RPH3AL: variants seen among roughly 807,000 people sequenced by gnomAD.
RPH3AL encodes rab effector Noc2.
In RPH3AL, 38 loss-of-function variants were observed where a neutral mutation model predicts 43.1. The observed-to-expected ratio is 0.88, with a 90% CI of 0.68 to 1.15. RPH3AL has a LOEUF of 1.15. RPH3AL is among the 50% of genes most tolerant of loss of function. RPH3AL has a pLI of 0.00. For synonymous variants in RPH3AL, 189 were observed against 176.3 expected, an observed-to-expected ratio of 1.07 and a Z score of -0.57; for missense variants, 462 against 423.2, an observed-to-expected ratio of 1.09 and a Z score of -0.81.
At position 299,701 on chromosome 17, in the gene RPH3AL, G is replaced by A. The variant is rs896592869; in HGVS notation, c.352-17847C>T. ...TGCCAGCTTGCAGGGCACGGCCGAC[G>A]AGGTGTGCGGCACGGGGCCGCGCCG... On this transcript the variant is annotated intron_variant, in intron 5 of 9. Coordinates refer to ENST00000331302, the MANE Select transcript of RPH3AL (RefSeq NM_006987.4). 5.9e-5 allele frequency among the ~76,000 whole-genome samples: 9 copies of A among 152,358 alleles called. No individual in the cohort carries two copies. In the East Asian group the frequency reaches 9.6e-4, roughly 16 times the overall value.
chr17:248,930 G>A (rs527789293), intron 6 of RPH3AL, among the ~76,000 whole-genome samples: 26 of 152,302 alleles, frequency 1.7e-4, no homozygotes, highest in Admixed American at 3.3e-4. Flanking sequence ...GCTCCAGGGC[G>A]AAGCAACCGA....
At chr17:269,626 T>C (rs1209414801) in intron 6 of RPH3AL, among the ~76,000 whole-genome samples, 1 of 152,208 alleles carries the variant, frequency 6.6e-6, no homozygotes, top group Non-Finnish European at 1.5e-5. Flanking sequence ...CTCTCTAAGC[T>C]TCAGTTTCTC....
At chr17:318,391 A>G (rs983958966) in intron 5 of RPH3AL, among the ~76,000 whole-genome samples, 207 of 152,252 alleles carry the variant, frequency 1.4e-3, no homozygotes, top group African/African-American at 4.6e-3. Flanking sequence ...CTGGGGGTGG[A>G]AAAAAGCATG....
intron 7 of RPH3AL, among the ~76,000 whole-genome samples, chr17:226,144 A>G (rs557521388): frequency 4.3e-4 from 65 of 152,374 alleles, no homozygotes; most frequent in African/African-American, 1.6e-3. Context: ...ACAAGGATTC[A>G]CAAAAAACAG....
intron 7 of RPH3AL, among the ~76,000 whole-genome samples, chr17:221,675 T>C (rs2040980820): frequency 6.9e-6 from 1 of 144,194 alleles, no homozygotes; most frequent in Non-Finnish European, 1.5e-5. Context: ...GTGCATCAGC[T>C]CTGAGGGCTC....
chr17:260,836 G>A (rs2042180818), intron 6 of RPH3AL, among the ~76,000 whole-genome samples: 1 of 151,970 alleles, frequency 6.6e-6, no homozygotes, highest in Non-Finnish European at 1.5e-5. Flanking sequence ...CCATCACCAG[G>A]CACAGCTGCT....
chr17:248,997 A>G (rs1555541283), intron 6 of RPH3AL, among the ~76,000 whole-genome samples: 2 of 152,056 alleles, frequency 1.3e-5, no homozygotes, highest in East Asian at 3.9e-4. Context: ...TTCTCTGAGG[A>G]CTTCTCAGAT....
chr17:278,254 T>C (rs908219009), intron 6 of RPH3AL, among the ~76,000 whole-genome samples: 1 of 152,192 alleles, frequency 6.6e-6, no homozygotes, highest in African/African-American at 2.4e-5. Flanking sequence ...TCTCATTCTT[T>C]CTTTGCCTGC....
chr17:315,189 C>T (rs879609544), intron 5 of RPH3AL, among the ~76,000 whole-genome samples: 2,364 of 18,744 alleles, frequency 0.13, 82 homozygotes, highest in Non-Finnish European at 0.18. Flanking sequence ...ACCTGTAGTC[C>T]CTGTGCTCCA....
intron 6 of RPH3AL, among the ~76,000 whole-genome samples, chr17:275,666 G>T (rs2151597772): frequency 6.6e-6 from 1 of 152,298 alleles, no homozygotes; most frequent in African/African-American, 2.4e-5. Context: ...TCCCACCTCA[G>T]CCTCCTGATA....
At chr17:291,853 T>C (rs1196913457) in intron 5 of RPH3AL, among the ~76,000 whole-genome samples, 1 of 152,228 alleles carries the variant, frequency 6.6e-6, no homozygotes, top group African/African-American at 2.4e-5. Flanking sequence ...TATGTAGATG[T>C]GCCTACATCT....
intron 7 of RPH3AL, among the ~76,000 whole-genome samples, chr17:220,422 C>A (rs34229845): frequency 2.2e-5 from 2 of 90,898 alleles, no homozygotes; most frequent in Middle Eastern, 6.7e-3. Context: ...AGCTCGGAGG[C>A]CTCCACTCGG....
At chr17:214,348 T>C (rs1049026926) in intron 9 of RPH3AL, among the ~76,000 whole-genome samples, 2 of 152,232 alleles carry the variant, frequency 1.3e-5, no homozygotes, top group African/African-American at 4.8e-5. Context: ...CATGTGACAC[T>C]GGATTTTGTC....
At chr17:332,812 A>C (rs2044820352) in intron 2 of RPH3AL, 4 of 347,090 alleles carry the variant, frequency 1.2e-5, no homozygotes, top group Non-Finnish European at 2.2e-5. Context: ...TCCTGGTGCC[A>C]CCTCGACCCC....
At chr17:284,233 A>G (rs1289435357) in intron 5 of RPH3AL, among the ~76,000 whole-genome samples, 1 of 152,198 alleles carries the variant, frequency 6.6e-6, no homozygotes, top group African/African-American at 2.4e-5. Flanking sequence ...TGAAGGAGGC[A>G]GGTGTTATGA....
At chr17:221,682 G>C (rs35398582) in intron 7 of RPH3AL, among the ~76,000 whole-genome samples, 114 of 78,186 alleles carry the variant, frequency 1.5e-3, no homozygotes, top group Middle Eastern at 9.4e-3. Flanking sequence ...AGCTCTGAGG[G>C]CTCCACTCAC....
intron 5 of RPH3AL, among the ~76,000 whole-genome samples, chr17:314,952 G>A (rs1555518787): frequency 2.2e-4 from 23 of 104,250 alleles, no homozygotes; most frequent in African/African-American, 7.0e-4. Flanking sequence ...TAGTCTCTGT[G>A]CTCCACCTCC....
chr17:264,205 C>G lies in RPH3AL; in HGVS notation c.439-16920G>C, dbSNP rs2042265711. Among the ~76,000 whole-genome samples, 2 of 152,238 alleles carry G rather than the reference C, an allele frequency of 1.3e-5. No homozygotes were observed. The highest frequency in any genetic ancestry group is 2.9e-5 in the Non-Finnish European group (2 of 68,048). On this transcript the variant is annotated intron_variant, in intron 6 of 9. Coordinates refer to ENST00000331302, the MANE Select transcript of RPH3AL (RefSeq NM_006987.4). The surrounding 1 kb of genome is among the most constrained non-coding windows in gnomAD (Gnocchi z 4.8). ...CATTGTTTTCTGCCGGAAATGCCAT[C>G]TGTCACTCAAACCCGAATAGAACCA...
intron 6 of RPH3AL, among the ~76,000 whole-genome samples, chr17:279,016 T>C (rs1389350695): frequency 3.3e-5 from 5 of 152,192 alleles, no homozygotes; most frequent in African/African-American, 9.6e-5. Flanking sequence ...TTGGGCAGAA[T>C]GCTCCAAGAG....
Sources: gnomAD v4.1 joint callset for allele counts (sites outside exome capture counted in the v4.1 genomes callset) on GRCh38, gnomAD v4.1.1 for gene constraint, Gnocchi (gnomAD v3.1) non-coding constraint, MANE v1.5 for transcripts, NCBI Gene and HGNC (gene_info 2026-07-23, HGNC 2026-07-21) for gene names.